VPS37A: variants seen among roughly 807,000 people sequenced by gnomAD.
VPS37A encodes VPS37A subunit of ESCRT-I.
VPS37A carries 30 observed loss-of-function variants against 49.8 expected under a neutral mutation model. The observed-to-expected ratio is 0.60, with a 90% CI of 0.45 to 0.82. The LOEUF (loss-of-function observed/expected upper bound fraction) is 0.82, where lower values mean the gene tolerates loss of function less well. Ranked by LOEUF, VPS37A falls within the 40% of genes least tolerant of loss-of-function variation. The pLI, the probability that VPS37A is intolerant of heterozygous loss-of-function variation, is 0.00. For synonymous variants in VPS37A, 195 were observed against 160.6 expected, an observed-to-expected ratio of 1.21 and a Z score of -1.62; for missense variants, 593 against 464.4, an observed-to-expected ratio of 1.28 and a Z score of -2.55.
the VPS37A span, chr8:17,309,469 C>A: frequency 1.5e-6 from 1 of 673,072 alleles, no homozygotes; most frequent in Non-Finnish European, 2.7e-6. Flanking sequence ...CAGGCATTAT[C>A]CACCCATATA....
chr8:17,286,201 TTAGCTATTAGATTA>T, intron 10 of VPS37A, 132 bp from the exon 11 acceptor site: 1 of 633,008 alleles, frequency 1.6e-6, no homozygotes. Flanking sequence ...TTTGATAATT[TTAGCTATTAGATTA>T]TTAGCTATCT....
downstream of VPS37A, chr8:17,300,124 C>G: frequency 1.2e-6 from 2 of 1,614,134 alleles, no homozygotes; most frequent in Non-Finnish European, 1.7e-6. Flanking sequence ...GTTGGCTATG[C>G]TGTTGTCTGA....
At chr8:17,312,550 G>C in the VPS37A span, among the ~76,000 whole-genome samples, 3 of 136,634 alleles carry the variant, frequency 2.2e-5, no homozygotes, top group Admixed American at 8.5e-5. Flanking sequence ...ACTCCAGCCT[G>C]GGTGACAGAG....
intron 6 of VPS37A, among the ~76,000 whole-genome samples, chr8:17,278,624 A>C (rs1210740676): frequency 6.6e-6 from 1 of 152,098 alleles, no homozygotes; most frequent in African/African-American, 2.4e-5. Flanking sequence ...ATTTCTCTGA[A>C]GGGTGCTTGT....
At chr8:17,311,307 C>T in the VPS37A span, among the ~76,000 whole-genome samples, 1 of 152,080 alleles carries the variant, frequency 6.6e-6, no homozygotes, top group Non-Finnish European at 1.5e-5. Flanking sequence ...TTTCAATATC[C>T]CAGAAATTCA....
the VPS37A span, among the ~76,000 whole-genome samples, chr8:17,328,205 C>T: frequency 2.0e-5 from 3 of 149,082 alleles, no homozygotes; most frequent in East Asian, 2.0e-4. Context: ...CCTATCAGTG[C>T]CTGCTGACCT....
chr8:17,277,861 T>TACACACACACACACAC (rs67718316), intron 6 of VPS37A, among the ~76,000 whole-genome samples: 7 of 140,886 alleles, frequency 5.0e-5, no homozygotes, highest in African/African-American at 1.8e-4. Flanking sequence ...TTCTCTTTTA[T>TACACACACACACACAC]ACACACACAC....
At chr8:17,248,366 G>GCAAT (rs1271007562) in intron 1 of VPS37A, 9 of 454,056 alleles carry the variant, frequency 2.0e-5, no homozygotes, top group Non-Finnish European at 3.5e-5. Flanking sequence ...CCGGATTCAA[G>GCAAT]CAATCATCCT....
At chr8:17,304,164 C>A (rs936489460), downstream of VPS37A, among the ~76,000 whole-genome samples, 2 of 152,106 alleles carry the variant, frequency 1.3e-5, no homozygotes, top group African/African-American at 4.8e-5. Context: ...TAAAACATCA[C>A]CTCCTGAAGA....
downstream of VPS37A, chr8:17,298,242 T>C (rs1300078924): frequency 1.3e-5 from 2 of 152,076 alleles, no homozygotes; most frequent in Non-Finnish European, 2.9e-5. Flanking sequence ...CCCTATTACA[T>C]ATAGTATATT....
the VPS37A span, among the ~76,000 whole-genome samples, chr8:17,315,761 C>T: frequency 1.3e-5 from 2 of 152,048 alleles, no homozygotes; most frequent in African/African-American, 4.8e-5. Context: ...CCTGTAATCC[C>T]AGCACTTTGA....
chr8:17,280,322 A>C (rs751583675), intron 8 of VPS37A, 25 bp downstream of exon 8: 1 of 1,603,804 alleles, frequency 6.2e-7, no homozygotes, highest in Non-Finnish European at 8.5e-7. Flanking sequence ...ATTTTGAAGA[A>C]ATTTACATAA....
At position 17,295,097 on chromosome 8, in the gene VPS37A, A is replaced by G. The variant is rs972592974; in HGVS notation, c.*111A>G. 3.3e-5 allele frequency: 5 copies of G among 152,678 alleles called. No homozygotes were observed. Among genetic ancestry groups the G allele is most frequent in the African/African-American group, 1.2e-4 (5 of 41,458 alleles). The allele number at this position is 152,678 out of a possible 1,614,324, so 9.5% of individuals were successfully genotyped here. A position where few individuals can be genotyped will look rare whatever the true frequency, so the allele number is the denominator to read the frequency against. On this transcript the variant is annotated 3_prime_UTR_variant, in exon 12 of 12. Transcript: ENST00000324849. ...TTCATCAGTGGCTAAATTCACAGAT[A>G]TCCTATATAGATTGTATACAGAACT...
chr8:17,290,074 G>A (rs887833840), intron 11 of VPS37A, among the ~76,000 whole-genome samples: 4 of 152,202 alleles, frequency 2.6e-5, no homozygotes, highest in Non-Finnish European at 4.4e-5. Context: ...TGCTGAAGTT[G>A]CTTATCAGCT....
intron 2 of VPS37A, among the ~76,000 whole-genome samples, chr8:17,267,904 G>A (rs1813618664): frequency 6.6e-6 from 1 of 152,162 alleles, no homozygotes; most frequent in African/African-American, 2.4e-5. Flanking sequence ...AGCCAGACTG[G>A]ACTAGTATGG....
At chr8:17,277,429 G>C (rs139456887) in intron 6 of VPS37A, among the ~76,000 whole-genome samples, 76 of 152,000 alleles carry the variant, frequency 5.0e-4, no homozygotes, top group African/African-American at 1.8e-3. Flanking sequence ...AAAAGGTGAA[G>C]AAACTAGTAT....
chr8:17,309,388 A>G, the VPS37A span: 1 of 1,137,042 alleles, frequency 8.8e-7, no homozygotes, highest in Non-Finnish European at 1.3e-6. Flanking sequence ...AGACCACACA[A>G]CCAATAATGT....
the VPS37A span, among the ~76,000 whole-genome samples, chr8:17,315,676 T>C: frequency 3.9e-5 from 6 of 152,160 alleles, no homozygotes; most frequent in East Asian, 9.7e-4. Context: ...GACATCCAGA[T>C]TGGCCACAAC....
chr8:17,304,075 T>G (rs533368588), downstream of VPS37A, among the ~76,000 whole-genome samples: 2 of 152,344 alleles, frequency 1.3e-5, no homozygotes, highest in East Asian at 3.9e-4. Context: ...ACATTTGACT[T>G]AAGGCATTTG....
Sources: gnomAD v4.1 joint callset for allele counts (sites outside exome capture counted in the v4.1 genomes callset) on GRCh38, gnomAD v4.1.1 for gene constraint, MANE v1.5 for transcripts, NCBI Gene and HGNC (gene_info 2026-07-23, HGNC 2026-07-21) for gene names.